The following EIF4E2 variants were observed in gnomAD, a reference collection of about 807,000 sequenced individuals.
The protein encoded by EIF4E2 is eukaryotic translation initiation factor 4E type 2.
In EIF4E2, 13 loss-of-function variants were observed where a neutral mutation model predicts 34.2. That is an observed-to-expected ratio of 0.38 (90% confidence interval 0.25 to 0.60). The LOEUF (loss-of-function observed/expected upper bound fraction) is 0.60. Ranked by LOEUF, EIF4E2 falls within the 20% of genes least tolerant of loss-of-function variation. The pLI, the probability that EIF4E2 is intolerant of heterozygous loss-of-function variation, is 0.62. For missense variants in EIF4E2, 222 were observed against 315.1 expected (o/e 0.70, Z 2.24); for synonymous variants, 100 against 106.6 (o/e 0.94, Z 0.38).
intron 1 of EIF4E2, among the ~76,000 whole-genome samples, chr2:232,554,210 G>T (rs1190449): frequency 0.61 from 92,004 of 152,044 alleles, 28,433 homozygotes; most frequent in Admixed American, 0.7. Context: ...AGGAAATGTT[G>T]CCAAGAGAAA....
chr2:232,566,872 G>C lies in EIF4E2; in HGVS notation c.419G>C (p.Arg140Pro). The C allele has an allele frequency of 6.2e-7, 1 of 1,614,092 alleles. No homozygotes were observed. Among genetic ancestry groups the C allele is most frequent in the Non-Finnish European group, 8.5e-7 (1 of 1,180,008 alleles). Residue 140 changes from arginine to proline, a missense_variant, in exon 5 of 7, where the codon CGG (arginine) becomes CCG (proline). By Grantham distance (103) the Arg-to-Pro change is moderately radical. Coordinates refer to ENST00000258416, the MANE Select transcript of EIF4E2 (RefSeq NM_004846.4). This position sits in a 1 kb window ranked among gnomAD's most constrained non-coding sequence, Gnocchi z 4.9. The stretch of plus-strand genomic sequence containing the variant: ...GGTGGCAAGTGGATTATTCGGCTGC[G>C]GAAGGGCTTGGCCTCCCGTTGCTGG... ...KNGGKWIIRL[R>P]KGLASRCWEN...
At chr2:232,571,949 G>A (rs140860094), downstream of EIF4E2, among the ~76,000 whole-genome samples, 435 of 152,286 alleles carry the variant, frequency 2.9e-3, 1 homozygote, top group African/African-American at 9.8e-3. Flanking sequence ...GCAGCCTTTG[G>A]GTAGAGGTAG....
Position 232,569,141 on chromosome 2 carries a change from T to A in EIF4E2, c.*124T>A. The A allele has an allele frequency of 1.3e-6, 2 of 1,497,040 alleles. No individual in the cohort carries two copies. The highest frequency in any genetic ancestry group is 1.8e-6 in the Non-Finnish European group (2 of 1,122,692). The allele number at this position is 1,497,040 out of a possible 1,614,324, so 92.7% of individuals were successfully genotyped here. A position where few individuals can be genotyped will look rare whatever the true frequency, so the allele number is the denominator to read the frequency against. ...AGAGGAATTGGAAGAGCATTTTATG[T>A]TTTAAGAACAGGCTGACACGCAGCA... On this transcript the variant is annotated 3_prime_UTR_variant, in exon 7 of 7. Transcript: ENST00000258416.
At position 232,566,951 on chromosome 2, in the gene EIF4E2, C is replaced by A. The variant is rs1177678875; in HGVS notation, c.498C>A (p.Ile166=). 4 of 1,600,294 alleles carry A rather than the reference C, an allele frequency of 2.5e-6. No homozygotes were observed. Among genetic ancestry groups the A allele is most frequent in the Non-Finnish European group, 3.4e-6 (4 of 1,173,224 alleles). Residue 166 remains isoleucine, a synonymous_variant, in exon 5 of 7, where the codon ATC becomes ATA. Transcript: ENST00000258416. The surrounding 1 kb of genome is among the most constrained non-coding windows in gnomAD (Gnocchi z 4.9). ...AACAGTTCATGGTTGGGGAGGAGAT[C>A]TGTGGGGCTGTGGTGTCTGTCCGCT... The part of the protein sequence containing the change: ...LGEQFMVGEE[I]CGAVVSVRFQ...
intron 6 of EIF4E2, among the ~76,000 whole-genome samples, chr2:232,577,197 G>A (rs1378844765): frequency 6.6e-6 from 1 of 152,212 alleles, no homozygotes; most frequent in Non-Finnish European, 1.5e-5. Flanking sequence ...GAAAGAGTTT[G>A]CAGCTTTACT....
Position 232,556,590 on chromosome 2 carries a change from G to C in EIF4E2, c.135+60G>C, listed in dbSNP as rs573880937. Reference sequence around the variant, plus strand: ...AACTTGAGACTTTTATTATCTTGTGGAATCTGTTTATCTGGAAGATACCAG... The same window carrying C: ...AACTTGAGACTTTTATTATCTTGTGCAATCTGTTTATCTGGAAGATACCAG... On this transcript the variant is annotated intron_variant, in intron 2 of 6. Coordinates refer to ENST00000258416, the MANE Select transcript of EIF4E2 (RefSeq NM_004846.4). 7.3e-6 allele frequency: 9 copies of C among 1,240,804 alleles called. 1 individual carries two copies. The African/African-American group carries it at 1.2e-4, about 16-fold the overall frequency. The allele number at this position is 1,240,804 out of a possible 1,614,324, so 76.9% of individuals were successfully genotyped here.
rs773350098 is a variant in EIF4E2, at chr2:232,557,943, C to T, written c.195C>T (p.Ser65=). The T allele has an allele frequency of 3.7e-6, 6 of 1,613,976 alleles. No homozygotes were observed. Among genetic ancestry groups the T allele is most frequent in the Non-Finnish European group, 4.2e-6 (5 of 1,180,018 alleles). ...PLQYNYTFWY[S]RRTPGRPTSS... Reference sequence around the variant, plus strand: ...AGTACAACTACACTTTTTGGTACTCCAGGAGAACCCCCGGCCGTCCCACGA... The same window carrying T: ...AGTACAACTACACTTTTTGGTACTCTAGGAGAACCCCCGGCCGTCCCACGA... Residue 65 remains serine (S), a synonymous_variant, in exon 3 of 7, where the codon TCC becomes TCT. Coordinates refer to ENST00000258416, the MANE Select transcript of EIF4E2 (RefSeq NM_004846.4).
In EIF4E2 at chr2:232,581,083, A is replaced by T; in HGVS notation, c.*140A>T. The T allele has an allele frequency of 1.2e-6, 1 of 860,706 alleles. No homozygotes were observed. The highest frequency in any genetic ancestry group is 1.9e-6 in the Non-Finnish European group (1 of 517,346). 53.3% of individuals were successfully genotyped at this position (860,706 alleles called of 1,614,324 possible). On this transcript the variant is annotated 3_prime_UTR_variant, in exon 7 of 7. Transcript: ENST00000409098. The surrounding 1 kb of genome is among the most constrained non-coding windows in gnomAD (Gnocchi z 5.2). ...GCTCTCCTTTTGCACTCATTCCTGG[A>T]GGACGGATTCCGCTAGACACCCTCC...
At chr2:232,550,872 A>C (rs1692283346) in intron 1 of EIF4E2, 128 bp downstream of exon 1, 1 of 981,214 alleles carries the variant, frequency 1.0e-6, no homozygotes, top group South Asian at 1.7e-5. Flanking sequence ...CTGCGGCCGG[A>C]CCTGGCCTGG....
exon 7 of EIF4E2, chr2:232,580,991 C>A: frequency 6.5e-7 from 1 of 1,529,374 alleles, no homozygotes; most frequent in Non-Finnish European, 8.9e-7. Flanking sequence ...TGTGTTTGTC[C>A]GAAATGGATG....
chr2:232,583,415 T>C (rs1261132189), exon 7 of EIF4E2: 1 of 63,634 alleles, frequency 1.6e-5, no homozygotes, highest in Non-Finnish European at 3.3e-5. Context: ...TGTCTGCTTT[T>C]TGAATCCTTC....
rs1488539412 is a variant in EIF4E2 at position 232,550,735 on chromosome 2, A to C, written c.11A>C (p.Lys4Thr). 4 of 1,586,056 alleles carry C rather than the reference A, an allele frequency of 2.5e-6. No homozygotes were observed. The highest frequency in any genetic ancestry group is 3.4e-6 in the Non-Finnish European group (4 of 1,167,988). ...AGCGGCGGCGAGAGGATGAACAACA[A>C]GTTCGACGCGTGAGTGGCTCGTGGC... MNN[K>T]FDALKDDDSG... Residue 4 changes from lysine to threonine, a missense_variant, in exon 1 of 7, where the codon AAG (lysine) becomes ACG (threonine). Coordinates refer to ENST00000258416, the MANE Select transcript of EIF4E2 (RefSeq NM_004846.4).
chr2:232,574,225 T>C, intron 6 of EIF4E2: 1 of 1,543,120 alleles, frequency 6.5e-7, no homozygotes, highest in Non-Finnish European at 8.8e-7. Context: ...GCTTTTGATC[T>C]GAATGTGCTA....
chr2:232,562,785 A>G (rs770206739), intron 3 of EIF4E2, among the ~76,000 whole-genome samples: 3 of 152,180 alleles, frequency 2.0e-5, no homozygotes, highest in Non-Finnish European at 4.4e-5. Flanking sequence ...GTTTTATTCA[A>G]CTATGTTAGG....
intron 6 of EIF4E2, chr2:232,574,395 G>A: frequency 6.6e-7 from 1 of 1,525,496 alleles, no homozygotes; most frequent in Non-Finnish European, 8.9e-7. Flanking sequence ...TCATCCATAG[G>A]ACCCCTCTTC....
exon 7 of EIF4E2, chr2:232,580,943 A>G (rs1422866355): frequency 6.5e-7 from 1 of 1,550,308 alleles, no homozygotes; most frequent in East Asian, 2.4e-5. Flanking sequence ...TCACATTGTG[A>G]GAGTACACAA....
intron 4 of EIF4E2, among the ~76,000 whole-genome samples, chr2:232,564,982 A>G (rs773973649): frequency 1.3e-5 from 2 of 152,238 alleles, no homozygotes; most frequent in Non-Finnish European, 2.9e-5. Context: ...ATATTTTTAC[A>G]TAGTACACAT....
downstream of EIF4E2, chr2:232,573,854 TGAA>T (rs1304993989): frequency 8.3e-6 from 3 of 360,292 alleles, no homozygotes; most frequent in African/African-American, 6.4e-5. Flanking sequence ...TGAGGCCTGA[TGAA>T]GAAAAATTGT....
intron 6 of EIF4E2, 189 bp downstream of exon 6, chr2:232,567,403 A>G (rs1396935572): frequency 2.1e-6 from 3 of 1,405,260 alleles, no homozygotes; most frequent in Admixed American, 6.5e-5. Context: ...CACCTATACT[A>G]CCAGGTGCTT....
Sources: gnomAD v4.1 joint callset for allele counts (sites outside exome capture counted in the v4.1 genomes callset) on GRCh38, gnomAD v4.1.1 for gene constraint, Gnocchi (gnomAD v3.1) non-coding constraint, MANE v1.5 for transcripts, NCBI Gene and HGNC (gene_info 2026-07-23, HGNC 2026-07-21) for gene names.